RPL26L1: variants seen among roughly 807,000 people sequenced by gnomAD.
The protein encoded by RPL26L1 is ribosomal protein L26 like 1.
Under a neutral mutation model 15.2 loss-of-function variants are expected in RPL26L1, and 8 were observed. That is an observed-to-expected ratio of 0.53 (90% CI 0.31 to 0.95). RPL26L1 has a LOEUF of 0.95. RPL26L1 is among the 40% of genes least tolerant of loss of function. The pLI, the probability that RPL26L1 is intolerant of heterozygous loss-of-function variation, is 0.05. For missense variants in RPL26L1, 146 were observed against 190.9 expected (o/e 0.76, Z 1.39); for synonymous variants, 51 against 65.9 (o/e 0.77, Z 1.09).
At chr5:172,958,372 C>A (rs915269909), upstream of RPL26L1, 21 of 456,112 alleles carry the variant, frequency 4.6e-5, no homozygotes, top group Admixed American at 3.8e-4. Context: ...CGGGACCTGC[C>A]TGGGTGTGGC....
chr5:172,961,744 G>A (rs191257397), intron 2 of RPL26L1, among the ~76,000 whole-genome samples: 4 of 152,304 alleles, frequency 2.6e-5, no homozygotes, highest in Non-Finnish European at 5.9e-5. Context: ...GTAATAATCC[G>A]TTCTTAGAGC....
upstream of RPL26L1, chr5:172,955,872 T>C (rs1200720454): frequency 6.6e-6 from 1 of 152,194 alleles, no homozygotes; most frequent in African/African-American, 2.4e-5. Flanking sequence ...AAAGATGGAA[T>C]TCATACCCAG....
chr5:172,966,667 C>G (rs192442823), intron 2 of RPL26L1, among the ~76,000 whole-genome samples: 1 of 152,020 alleles, frequency 6.6e-6, no homozygotes, highest in Admixed American at 6.6e-5. Flanking sequence ...CCAGGTGTGT[C>G]CTGAGAGTCT....
chr5:172,954,754 C>T, upstream of RPL26L1: 2 of 363,954 alleles, frequency 5.5e-6, no homozygotes, highest in South Asian at 4.1e-5. Flanking sequence ...GGGTCATTGT[C>T]GAATGTGTTT....
intron 2 of RPL26L1, among the ~76,000 whole-genome samples, chr5:172,961,804 A>G (rs1025760530): frequency 6.6e-6 from 1 of 152,246 alleles, no homozygotes; most frequent in East Asian, 1.9e-4. Context: ...ATCCCAGTCC[A>G]GACCACTTTA....
intron 2 of RPL26L1, among the ~76,000 whole-genome samples, chr5:172,968,177 G>A (rs1020114250): frequency 5.3e-5 from 8 of 151,482 alleles, no homozygotes; most frequent in Non-Finnish European, 1.2e-4. Context: ...ACATATATAT[G>A]TATATATATA....
chr5:172,958,284 A>AT, upstream of RPL26L1: 1 of 405,196 alleles, frequency 2.5e-6, no homozygotes, highest in Non-Finnish European at 4.9e-6. Context: ...AAAAAAAAAA[A>AT]TCTAGTATTA....
chr5:172,963,001 G>C (rs1265414001), intron 2 of RPL26L1, among the ~76,000 whole-genome samples: 3 of 152,120 alleles, frequency 2.0e-5, no homozygotes, highest in African/African-American at 4.8e-5. Context: ...AGGCTTCTCT[G>C]AGGAACTAAT....
intron 2 of RPL26L1, 90 bp from the exon 3 acceptor site, chr5:172,968,369 T>C (rs1581614300): frequency 1.3e-6 from 2 of 1,497,376 alleles, no homozygotes; most frequent in South Asian, 1.2e-5. Flanking sequence ...CAAAGTTATA[T>C]GTTTAGCCCA....
upstream of RPL26L1, chr5:172,955,321 G>A (rs371419553): frequency 0.02 from 5,695 of 280,154 alleles, 325 homozygotes; most frequent in African/African-American, 0.12. Context: ...GAGAAACAGG[G>A]TTTCACCATA....
At chr5:172,963,009 A>G (rs1362111908) in intron 2 of RPL26L1, among the ~76,000 whole-genome samples, 1 of 152,098 alleles carries the variant, frequency 6.6e-6, no homozygotes, top group East Asian at 1.9e-4. Flanking sequence ...CTGAGGAACT[A>G]ATACATTTAA....
rs868269496 is a variant in RPL26L1, at chr5:172,960,006, C to T, written c.133C>T (p.Arg45Cys). 7.4e-6 allele frequency: 12 copies of T among 1,614,174 alleles called. No individual in the cohort carries two copies. The Middle Eastern group carries it at 8.2e-4, about 111-fold the overall frequency. Residue 45 changes from arginine to cysteine, a missense_variant, in exon 2 of 4, where the codon CGC becomes TGC. Physicochemically the swap from Arg to Cys is radical, Grantham distance 180 (BLOSUM62 -3). Transcript: ENST00000265100. ...SKELRQKYNVRSMPIRKDDEV... is the reference protein window; with the variant it reads ...SKELRQKYNVCSMPIRKDDEV... ...GGAGCTGCGGCAGAAGTACAATGTC[C>T]GCTCCATGCCCATCCGCAAGGACGA... is the stretch of plus-strand genomic sequence containing the variant.
intron 2 of RPL26L1, among the ~76,000 whole-genome samples, chr5:172,967,882 G>GTGTA (rs1309651329): frequency 4.0e-5 from 6 of 151,120 alleles, no homozygotes; most frequent in Non-Finnish European, 8.8e-5. Flanking sequence ...TATATGATAC[G>GTGTA]TGTATGTATA....
upstream of RPL26L1, chr5:172,954,869 A>C (rs764188988): frequency 3.8e-5 from 17 of 452,326 alleles, no homozygotes; most frequent in Middle Eastern, 3.3e-4. Flanking sequence ...GTGGTTTCAT[A>C]TAAGAGGATT....
intron 2 of RPL26L1, among the ~76,000 whole-genome samples, chr5:172,961,764 C>T (rs954010018): frequency 1.3e-5 from 2 of 152,232 alleles, no homozygotes; most frequent in African/African-American, 4.8e-5. Flanking sequence ...CTTTAAATGT[C>T]TGCTGTGTGC....
intron 2 of RPL26L1, 134 bp downstream of exon 2, chr5:172,960,175 A>G: frequency 9.9e-7 from 1 of 1,010,988 alleles, no homozygotes; most frequent in Non-Finnish European, 1.5e-6. Flanking sequence ...GGCCAGAGAT[A>G]GGGTTCAGAG....
intron 3 of RPL26L1, 82 bp downstream of exon 3, chr5:172,968,681 G>T: frequency 6.5e-7 from 1 of 1,536,288 alleles, no homozygotes; most frequent in Non-Finnish European, 8.9e-7. Flanking sequence ...GGTACTCCCT[G>T]CACAGTTGGC....
In RPL26L1 at chr5:172,969,771, A is replaced by G. The variant is rs930002107; in HGVS notation, c.*230A>G. 1 of 372,210 alleles carries G rather than the reference A, an allele frequency of 2.7e-6. No homozygotes were observed. Among genetic ancestry groups the G allele is most frequent in the Non-Finnish European group, 5.0e-6 (1 of 199,964 alleles). 23.1% of individuals were successfully genotyped at this position (372,210 alleles called of 1,614,324 possible). A position where few individuals can be genotyped will look rare whatever the true frequency, so the allele number is the denominator to read the frequency against. On this transcript the variant is annotated 3_prime_UTR_variant, in exon 4 of 4. Transcript: ENST00000265100. ...TATAAATAAATTCCACTTACTATCA[A>G]TTCCCCTTTGCCAGTCTTTTCCTAT...
At chr5:172,967,771 CAT>C (rs906917926) in intron 2 of RPL26L1, among the ~76,000 whole-genome samples, 5 of 117,164 alleles carry the variant, frequency 4.3e-5, no homozygotes, top group African/African-American at 1.9e-4. Context: ...CATATATACA[CAT>C]ATATACGTAT....
Sources: gnomAD v4.1 joint callset for allele counts (sites outside exome capture counted in the v4.1 genomes callset) on GRCh38, gnomAD v4.1.1 for gene constraint, MANE v1.5 for transcripts, NCBI Gene and HGNC (gene_info 2026-07-23, HGNC 2026-07-21) for gene names.